The following ENOSF1 variants were observed in gnomAD, a reference collection of about 807,000 sequenced individuals.
ENOSF1 encodes the protein enolase superfamily member 1, also known as mitochondrial enolase superfamily member 1.
In ENOSF1, 73 loss-of-function variants were observed where a neutral mutation model predicts 68.2. The observed-to-expected ratio is 1.07, with a 90% CI of 0.89 to 1.30. The LOEUF (loss-of-function observed/expected upper bound fraction) is 1.30, where lower values mean the gene tolerates loss of function less well. ENOSF1 is among the 50% of genes most tolerant of loss of function. The probability of loss-of-function intolerance (pLI) is 0.00; values close to 1 mark genes in which losing one functional copy is unlikely to be tolerated. For synonymous variants in ENOSF1, 223 were observed against 210.4 expected, an observed-to-expected ratio of 1.06 and a Z score of -0.52; for missense variants, 589 against 554.5, an observed-to-expected ratio of 1.06 and a Z score of -0.62.
rs559346114 is a variant in ENOSF1, at chr18:670,817, G to A, written c.*3488C>T. 10 of 1,614,018 alleles carry A rather than the reference G, an allele frequency of 6.2e-6. No homozygotes were observed. The highest frequency in any genetic ancestry group is 2.7e-5 in the African/African-American group (2 of 74,964). On this transcript the variant is annotated 3_prime_UTR_variant, in exon 16 of 16. Coordinates refer to ENST00000647584, the MANE Select transcript of ENOSF1 (RefSeq NM_017512.7). ...GGGCCTCGGTGTGCCTTTCAACATC[G>A]CCAGCTACGCCCTGCTCACGTACAT...
rs2077383365 is a variant in ENOSF1 at position 693,250 on chromosome 18, T to G, written c.423+632A>C. The stretch of plus-strand genomic sequence containing the variant: ...AGAATTCAGTGTTGAGCTCCTTCCC[T>G]GCTGGAATTGTACAGTAGAGGCTAC... On this transcript the variant is annotated intron_variant, in intron 5 of 15. Coordinates refer to ENST00000647584, the MANE Select transcript of ENOSF1 (RefSeq NM_017512.7). The G allele has an allele frequency of 1.2e-5, 16 of 1,288,960 alleles. No individual in the cohort carries two copies. The South Asian group carries it at 2.0e-4, about 16-fold the overall frequency. 79.8% of individuals were successfully genotyped at this position (1,288,960 alleles called of 1,614,324 possible). A position where few individuals can be genotyped will look rare whatever the true frequency, so the allele number is the denominator to read the frequency against.
chr18:704,016 T>C (rs1203253892), intron 2 of ENOSF1, among the ~76,000 whole-genome samples: 1 of 152,192 alleles, frequency 6.6e-6, no homozygotes, highest in Non-Finnish European at 1.5e-5. Context: ...GTAAGTGTCC[T>C]GAAGCCTCCC....
Position 673,008 on chromosome 18 carries a change from A to G in ENOSF1, c.*1297T>C, listed in dbSNP as rs1250927769. ...GAAATGGCTGTTTAGGGTGCTTTCA[A>G]AGGAGCTCGAAGGATATTGTCAGTC... On this transcript the variant is annotated 3_prime_UTR_variant, in exon 16 of 16. Transcript: ENST00000647584. 1 of 1,542,720 alleles carries G rather than the reference A, an allele frequency of 6.5e-7. No individual in the cohort carries two copies. The highest frequency in any genetic ancestry group is 8.9e-7 in the Non-Finnish European group (1 of 1,128,098).
intron 10 of ENOSF1, among the ~76,000 whole-genome samples, chr18:684,640 G>C (rs1409908946): frequency 2.6e-5 from 4 of 152,148 alleles, no homozygotes; most frequent in Non-Finnish European, 5.9e-5. Context: ...TAAATCTAGT[G>C]AATGGTGAGT....
rs928031897 is a variant in ENOSF1, at chr18:673,878, A to C, written c.*427T>G. On this transcript the variant is annotated 3_prime_UTR_variant, in exon 16 of 16. Transcript: ENST00000647584. ...AACCACTTCGGGGTTAATCAGTGAA[A>C]TATTTTTCCCTTCGTTGCATACCAG... is the stretch of plus-strand genomic sequence containing the variant. 5 of 153,806 alleles carry C rather than the reference A, an allele frequency of 3.3e-5. No homozygotes were observed. Among genetic ancestry groups the C allele is most frequent in the African/African-American group, 4.8e-5 (2 of 41,384 alleles). The allele number at this position is 153,806 out of a possible 1,614,324, so 9.5% of individuals were successfully genotyped here.
rs373139910 is a variant in ENOSF1, at chr18:685,986, C to T, written c.676G>A (p.Asp226Asn). Residue 226 changes from aspartate to asparagine, a missense_variant, in exon 10 of 16, where the codon GAT becomes AAT. By Grantham distance (23) the Asp-to-Asn change is conservative (BLOSUM62 1). Coordinates refer to ENST00000647584, the MANE Select transcript of ENOSF1 (RefSeq NM_017512.7). Reference protein sequence around the residue: ...WTRFKVKVGADLQDDMRRCQI... With the variant: ...WTRFKVKVGANLQDDMRRCQI... ...CATCTTCGCATGTCATCCTGGAGAT[C>T]AGCACCCACCTTTACTTTAAACCTA... 8 of 1,614,092 alleles carry T rather than the reference C, an allele frequency of 5.0e-6. No homozygotes were observed. The highest frequency in any genetic ancestry group is 5.1e-6 in the Non-Finnish European group (6 of 1,179,970).
At position 696,196 on chromosome 18, in the gene ENOSF1, A is replaced by ATC. The variant is rs1225781340; in HGVS notation, c.309+1042_309+1043dup. Among the ~76,000 whole-genome samples, 427 of 130,424 alleles carry ATC rather than the reference A, an allele frequency of 3.3e-3. 3 individuals are homozygous for ATC. Among genetic ancestry groups the ATC allele is most frequent in the African/African-American group, 0.012 (382 of 32,838 alleles). 85.6% of individuals were successfully genotyped at this position (130,424 alleles called of 152,430 possible). ...TTTCTCTTTAATGACCTTCTTTTACATCTCTCTCTTTTTTTTTTTTTTTTT... is the reference window on the plus strand; with the variant it reads ...TTTCTCTTTAATGACCTTCTTTTACATCTCTCTCTCTTTTTTTTTTTTTTTTT... On this transcript the variant is annotated intron_variant, in intron 3 of 15. Transcript: ENST00000647584.
intron 2 of ENOSF1, 38 bp from the exon 3 acceptor site, chr18:697,393 T>C (rs374919969): frequency 9.9e-6 from 14 of 1,420,414 alleles, no homozygotes; most frequent in African/African-American, 4.3e-5. Flanking sequence ...TATGCTTCTA[T>C]ACTAGGTCAA....
At chr18:699,478 AAAT>A (rs147506890) in intron 2 of ENOSF1, among the ~76,000 whole-genome samples, 48,122 of 148,840 alleles carry the variant, frequency 0.32, 8,029 homozygotes, top group Non-Finnish European at 0.36. Flanking sequence ...GCCCTGTCTC[AAAT>A]AATAATAATA....
intron 1 of ENOSF1, among the ~76,000 whole-genome samples, chr18:710,735 T>C (rs1184036152): frequency 2.0e-5 from 3 of 152,224 alleles, no homozygotes; most frequent in Admixed American, 1.3e-4. Context: ...CATTTACATG[T>C]ATAAAGTGAA....
chr18:673,661 C>A lies in ENOSF1; in HGVS notation c.*644G>T. ...TGAATATATTTTGCCCTATTTTTCT[C>A]ATTTTAACTGCATCTTATCCTCAAA... On this transcript the variant is annotated 3_prime_UTR_variant, in exon 16 of 16. Coordinates refer to ENST00000647584, the MANE Select transcript of ENOSF1 (RefSeq NM_017512.7). The A allele has an allele frequency of 1.2e-5, 2 of 162,974 alleles. No homozygotes were observed. Among genetic ancestry groups the A allele is most frequent in the Non-Finnish European group, 2.6e-5 (2 of 75,634 alleles). 10.1% of individuals were successfully genotyped at this position (162,974 alleles called of 1,614,324 possible). A position where few individuals can be genotyped will look rare whatever the true frequency, so the allele number is the denominator to read the frequency against.
chr18:667,569 G>GGT (rs1318703793), downstream of ENOSF1, among the ~76,000 whole-genome samples: 18 of 77,182 alleles, frequency 2.3e-4, no homozygotes, highest in Non-Finnish European at 2.4e-4. Context: ...TGATGGTGAT[G>GGT]GAGATGGTGA....
intron 1 of ENOSF1, among the ~76,000 whole-genome samples, chr18:711,825 GA>G (rs1413168344): frequency 6.6e-6 from 1 of 152,140 alleles, no homozygotes; most frequent in East Asian, 1.9e-4. Flanking sequence ...CCTCTCATGT[GA>G]CGCAGTTAGC....
At chr18:687,268 G>A (rs1313527563) in intron 9 of ENOSF1, 1 of 152,202 alleles carries the variant, frequency 6.6e-6, no homozygotes, top group Non-Finnish European at 1.5e-5. Flanking sequence ...ACCTCTTTCC[G>A]CGGCTTCATG....
chr18:677,886 T>C lies in ENOSF1; in HGVS notation c.919-14A>G, dbSNP rs1363586548. On this transcript the variant is annotated splice_polypyrimidine_tract_variant and intron_variant, in intron 12 of 15. Transcript: ENST00000647584. Reference sequence around the variant, plus strand: ...TCTATTGTGGCACTGGAAATAGAATTGAAAATAACACCAACAGAAGAGTCA... The same window carrying C: ...TCTATTGTGGCACTGGAAATAGAATCGAAAATAACACCAACAGAAGAGTCA... The C allele has an allele frequency of 6.2e-7, 1 of 1,610,426 alleles. No individual in the cohort carries two copies. Among genetic ancestry groups the C allele is most frequent in the Non-Finnish European group, 8.5e-7 (1 of 1,178,844 alleles).
intron 2 of ENOSF1, among the ~76,000 whole-genome samples, chr18:700,890 CA>C (rs71174273): frequency 0.27 from 17,573 of 64,784 alleles, 360 homozygotes; most frequent in Middle Eastern, 0.37. Context: ...AACTCTGCCT[CA>C]AAAAAAAAAA....
At chr18:696,363 C>T (rs1227510280) in intron 3 of ENOSF1, among the ~76,000 whole-genome samples, 2 of 152,006 alleles carry the variant, frequency 1.3e-5, no homozygotes, top group Non-Finnish European at 2.9e-5. Flanking sequence ...AGGCGCCCGC[C>T]ACCATGCCCG....
chr18:675,542 G>C, intron 14 of ENOSF1, 140 bp from the exon 15 acceptor site: 1 of 721,306 alleles, frequency 1.4e-6, no homozygotes, highest in Non-Finnish European at 2.4e-6. Context: ...GCGTTTCTAG[G>C]CAAGTCCCTA....
At chr18:674,535 T>TTC in intron 15 of ENOSF1, 129 bp from the exon 16 acceptor site, 20 of 560,184 alleles carry the variant, frequency 3.6e-5, no homozygotes, top group South Asian at 7.3e-5. Flanking sequence ...TTTTTTTTTT[T>TTC]TGACATGGAG....
Sources: allele counts gnomAD v4.1 joint callset (sites outside exome capture counted in the v4.1 genomes callset), GRCh38; gene constraint gnomAD v4.1.1; transcripts MANE v1.5; gene names NCBI Gene and HGNC (gene_info 2026-07-23, HGNC 2026-07-21).